The following ADAMTS12 variants were observed in gnomAD, a reference collection of about 807,000 sequenced individuals.
ADAMTS12 encodes the protein ADAM metallopeptidase with thrombospondin type 1 motif 12.
ADAMTS12 carries 118 observed loss-of-function variants against 167.8 expected under a neutral mutation model. The observed-to-expected ratio is 0.70, with a 90% confidence interval of 0.61 to 0.82. The LOEUF (loss-of-function observed/expected upper bound fraction) is 0.82. Ranked by LOEUF, ADAMTS12 falls within the 40% of genes least tolerant of loss-of-function variation. The probability of loss-of-function intolerance (pLI) is 0.00; values close to 1 mark genes in which losing one functional copy is unlikely to be tolerated. For synonymous variants in ADAMTS12, 704 were observed against 716.9 expected (o/e 0.98, Z 0.29); for missense variants, 1,916 against 1,998.8 (o/e 0.96, Z 0.79).
At chr5:33,594,367 C>G (rs566717189) in intron 17 of ADAMTS12, among the ~76,000 whole-genome samples, 1 of 152,296 alleles carries the variant, frequency 6.6e-6, no homozygotes, top group African/African-American at 2.4e-5. Context: ...TTCATTATAT[C>G]TGAATGTTTC....
chr5:33,703,702 C>G (rs940591178), intron 3 of ADAMTS12, among the ~76,000 whole-genome samples: 4 of 152,148 alleles, frequency 2.6e-5, no homozygotes, highest in Admixed American at 2.6e-4. Flanking sequence ...TCAGGGCCAA[C>G]CATATGGTCA....
At chr5:33,668,420 G>A (rs1159304713) in intron 5 of ADAMTS12, among the ~76,000 whole-genome samples, 1 of 152,162 alleles carries the variant, frequency 6.6e-6, no homozygotes. Flanking sequence ...ATATTTAGTG[G>A]TCCTGGCATC....
intron 2 of ADAMTS12, among the ~76,000 whole-genome samples, chr5:33,807,651 G>A (rs993639975): frequency 5.3e-5 from 8 of 152,176 alleles, no homozygotes; most frequent in African/African-American, 1.9e-4. Context: ...ATTTAATGCA[G>A]TCATAAAAAT....
At chr5:33,779,104 C>T (rs1746020680) in intron 2 of ADAMTS12, among the ~76,000 whole-genome samples, 1 of 151,764 alleles carries the variant, frequency 6.6e-6, no homozygotes, top group Admixed American at 6.6e-5. Flanking sequence ...ATGAAGGTTC[C>T]TTAAAAAATT....
At chr5:33,537,519 C>T (rs1293137288) in intron 22 of ADAMTS12, among the ~76,000 whole-genome samples, 2 of 152,188 alleles carry the variant, frequency 1.3e-5, no homozygotes, top group African/African-American at 4.8e-5. Flanking sequence ...TGCATCTTGG[C>T]TCTGATTTCT....
At chr5:33,787,603 A>G (rs1746375517) in intron 2 of ADAMTS12, among the ~76,000 whole-genome samples, 1 of 152,228 alleles carries the variant, frequency 6.6e-6, no homozygotes, top group Non-Finnish European at 1.5e-5. Flanking sequence ...TGGGAGCCAC[A>G]TGCTGGCACA....
At position 33,756,432 on chromosome 5, in the gene ADAMTS12, T is replaced by G. The variant is rs182710287; in HGVS notation, c.490-4884A>C. ...AACACTTGACACAGTCTTAAAGCCA[T>G]GAGAGGCTCTCCAAATTATTATTTC... is the stretch of plus-strand genomic sequence containing the variant. On this transcript the variant is annotated intron_variant, in intron 2 of 23. Transcript: ENST00000504830. Among the ~76,000 whole-genome samples, 17 of 152,360 alleles carry G rather than the reference T, an allele frequency of 1.1e-4. No homozygotes were observed. In the South Asian group the frequency reaches 3.5e-3, roughly 32 times the overall value.
chr5:33,573,658 G>C (rs554261996), intron 19 of ADAMTS12, among the ~76,000 whole-genome samples: 4 of 152,064 alleles, frequency 2.6e-5, no homozygotes, highest in African/African-American at 9.7e-5. Context: ...AGAAAACCTA[G>C]GCATTACCAT....
chr5:33,686,944 G>T (rs1279191617), intron 3 of ADAMTS12, among the ~76,000 whole-genome samples: 75 of 146,246 alleles, frequency 5.1e-4, no homozygotes, highest in African/African-American at 1.3e-3. Context: ...TATAGAGAGA[G>T]AGAGAGAGAG....
At chr5:33,569,440 A>G (rs1471078389) in intron 19 of ADAMTS12, among the ~76,000 whole-genome samples, 3 of 152,220 alleles carry the variant, frequency 2.0e-5, no homozygotes, top group Non-Finnish European at 2.9e-5. Context: ...GTGGATCACG[A>G]AAATCCATGG....
At chr5:33,717,780 A>G (rs1743665151) in intron 3 of ADAMTS12, among the ~76,000 whole-genome samples, 1 of 152,230 alleles carries the variant, frequency 6.6e-6, no homozygotes, top group East Asian at 1.9e-4. Context: ...ATAAATGATG[A>G]ACAATAACTG....
In ADAMTS12 at chr5:33,848,194, G is replaced by A. The variant is rs1044577288; in HGVS notation, c.489+32925C>T. Among the ~76,000 whole-genome samples the A allele has an allele frequency of 3.3e-5, 5 of 151,906 alleles. No individual in the cohort carries two copies. The South Asian group carries it at 1.0e-3, about 32-fold the overall frequency. ...ATCGCACCACTGCACTCCAGCCTGG[G>A]TAACAGAGTAAGACTCTGTTTAAAA... is the stretch of plus-strand genomic sequence containing the variant. On this transcript the variant is annotated intron_variant, in intron 2 of 23. Coordinates refer to ENST00000504830, the MANE Select transcript of ADAMTS12 (RefSeq NM_030955.4).
At chr5:33,571,495 T>C (rs1051289178) in intron 19 of ADAMTS12, among the ~76,000 whole-genome samples, 2 of 152,130 alleles carry the variant, frequency 1.3e-5, no homozygotes, top group African/African-American at 2.4e-5. Flanking sequence ...CCCGAATGAC[T>C]ACTGGGTACA....
chr5:33,808,193 A>G (rs1387205553), intron 2 of ADAMTS12, among the ~76,000 whole-genome samples: 1 of 152,350 alleles, frequency 6.6e-6, no homozygotes, highest in East Asian at 1.9e-4. Flanking sequence ...CTTTACATAC[A>G]CTAGTGCAGT....
In ADAMTS12 at chr5:33,525,592, T is replaced by C. The variant is rs1452561363; in HGVS notation, c.*1596A>G. The C allele has an allele frequency of 2.0e-5, 3 of 152,244 alleles. No homozygotes were observed. Among genetic ancestry groups the C allele is most frequent in the African/African-American group, 7.2e-5 (3 of 41,464 alleles). The allele number at this position is 152,244 out of a possible 1,614,324, so 9.4% of individuals were successfully genotyped here. On this transcript the variant is annotated 3_prime_UTR_variant, in exon 24 of 24. Transcript: ENST00000504830. ...TTTGTATGCCTATCTATGTTTACAT[T>C]AATTCTGCCACCATCTAGATATTAG...
At chr5:33,841,003 C>T (rs1426075930) in intron 2 of ADAMTS12, among the ~76,000 whole-genome samples, 2 of 152,206 alleles carry the variant, frequency 1.3e-5, no homozygotes, top group African/African-American at 2.4e-5. Flanking sequence ...CCACCCTTAG[C>T]TCTGCCATGT....
intron 12 of ADAMTS12, among the ~76,000 whole-genome samples, chr5:33,633,092 T>G (rs1740025449): frequency 6.6e-6 from 1 of 151,452 alleles, no homozygotes; most frequent in Non-Finnish European, 1.5e-5. Context: ...AGCATGGTTA[T>G]CTTGGAGGAA....
chr5:33,791,113 T>C (rs991265581), intron 2 of ADAMTS12, among the ~76,000 whole-genome samples: 1 of 152,096 alleles, frequency 6.6e-6, no homozygotes, highest in Non-Finnish European at 1.5e-5. Context: ...CCTGATTTCT[T>C]ACCCCACCCA....
chr5:33,743,976 C>T (rs1237777928), intron 3 of ADAMTS12, among the ~76,000 whole-genome samples: 7 of 152,148 alleles, frequency 4.6e-5, no homozygotes, highest in Non-Finnish European at 5.9e-5. Flanking sequence ...GGGTGGCTAT[C>T]CTCAGGGGTT....
Sources: gnomAD v4.1 joint callset for allele counts (sites outside exome capture counted in the v4.1 genomes callset) on GRCh38, gnomAD v4.1.1 for gene constraint, MANE v1.5 for transcripts, NCBI Gene and HGNC (gene_info 2026-07-23, HGNC 2026-07-21) for gene names.